CDH4: variants seen among roughly 807,000 people sequenced by gnomAD.
CDH4 encodes the protein cadherin-4.
A neutral mutation model predicts 86.0 loss-of-function variants in CDH4; 33 were observed. The ratio of observed to expected loss-of-function variants is 0.38; its 90% CI spans 0.29 to 0.51. The LOEUF (loss-of-function observed/expected upper bound fraction) is 0.51. Ranked by LOEUF, CDH4 falls within the 20% of genes least tolerant of loss-of-function variation. CDH4 has a pLI of 0.86. For missense variants in CDH4, 1,114 were observed against 1,307.4 expected (o/e 0.85, Z 2.28); for synonymous variants, 555 against 549.4 (o/e 1.01, Z -0.14).
intron 4 of CDH4, among the ~76,000 whole-genome samples, chr20:61,816,672 T>C (rs1460368297): frequency 1.4e-5 from 2 of 145,740 alleles, no homozygotes; most frequent in African/African-American, 2.5e-5. Context: ...GGCGCTTGGG[T>C]GAATCGCACG....
intron 2 of CDH4, among the ~76,000 whole-genome samples, chr20:61,581,783 C>A (rs143183026): frequency 1.3e-5 from 2 of 152,298 alleles, no homozygotes; most frequent in East Asian, 1.9e-4. Context: ...GACATGGACA[C>A]CTTTAGGGAC....
At chr20:61,870,545 T>C (rs1045547690) in intron 6 of CDH4, among the ~76,000 whole-genome samples, 1 of 152,150 alleles carries the variant, frequency 6.6e-6, no homozygotes, top group Non-Finnish European at 1.5e-5. Flanking sequence ...GCCATCATCC[T>C]GCCACCCCCA....
chr20:61,590,542 G>A (rs1458923082), intron 2 of CDH4, among the ~76,000 whole-genome samples: 1 of 152,222 alleles, frequency 6.6e-6, no homozygotes, highest in Non-Finnish European at 1.5e-5. Flanking sequence ...TCTGCGTGCT[G>A]CAGTCCGGAA....
At position 61,829,881 on chromosome 20, in the gene CDH4, G is replaced by A. The variant is rs933531051; in HGVS notation, c.577-14787G>A. ...CCCTCATCCCTCCCGCCCCTAGCCT[G>A]CTGGGGTGGGAGGGACGAGGCTCCT... On this transcript the variant is annotated intron_variant, in intron 4 of 15. Coordinates refer to ENST00000614565, the MANE Select transcript of CDH4 (RefSeq NM_001794.5). The surrounding 1 kb of genome is among the most constrained non-coding windows in gnomAD (Gnocchi z 4.2). Among the ~76,000 whole-genome samples the A allele has an allele frequency of 6.6e-6, 1 of 151,998 alleles. No homozygotes were observed. The highest frequency in any genetic ancestry group is 2.4e-5 in the African/African-American group (1 of 41,376).
At chr20:61,653,559 C>A (rs1410992278) in intron 2 of CDH4, among the ~76,000 whole-genome samples, 1 of 130,410 alleles carries the variant, frequency 7.7e-6, no homozygotes, top group Non-Finnish European at 1.7e-5. Flanking sequence ...GCTGGCCAGG[C>A]GGGGGCTGAC....
At chr20:61,383,138 A>ATATGAATATATT (rs1278692555) in intron 2 of CDH4, among the ~76,000 whole-genome samples, 1 of 101,964 alleles carries the variant, frequency 9.8e-6, no homozygotes, top group Non-Finnish European at 1.9e-5. Context: ...TATATTATAT[A>ATATGAATATATT]TATGAATATA....
intron 2 of CDH4, among the ~76,000 whole-genome samples, chr20:61,306,827 C>T (rs1197700542): frequency 2.6e-5 from 4 of 152,162 alleles, no homozygotes; most frequent in Admixed American, 2.0e-4. Context: ...TACAGCTCAG[C>T]GTTGCCTGAT....
intron 2 of CDH4, among the ~76,000 whole-genome samples, chr20:61,286,978 G>A (rs2084296524): frequency 6.6e-6 from 1 of 152,184 alleles, no homozygotes; most frequent in Non-Finnish European, 1.5e-5. Flanking sequence ...GCTTCCTGGA[G>A]CATTTAATTT....
At chr20:61,573,072 A>ATGGATG (rs1568692606) in intron 2 of CDH4, among the ~76,000 whole-genome samples, 33 of 116,808 alleles carry the variant, frequency 2.8e-4, no homozygotes, top group African/African-American at 1.1e-3. Context: ...ATGGATGGAT[A>ATGGATG]GATGGTTGGA....
intron 2 of CDH4, among the ~76,000 whole-genome samples, chr20:61,598,589 C>A (rs1324420708): frequency 6.6e-6 from 1 of 152,218 alleles, no homozygotes; most frequent in Non-Finnish European, 1.5e-5. Flanking sequence ...ATACCCCTTT[C>A]CAGAATCGCG....
chr20:61,425,623 G>A (rs1341883736), intron 2 of CDH4, among the ~76,000 whole-genome samples: 1 of 152,268 alleles, frequency 6.6e-6, no homozygotes, highest in Admixed American at 6.5e-5. Flanking sequence ...GGAAAACAGG[G>A]CGGCAGCGCA....
At chr20:61,645,063 A>C (rs768232503) in intron 2 of CDH4, among the ~76,000 whole-genome samples, 2 of 152,170 alleles carry the variant, frequency 1.3e-5, no homozygotes, top group Non-Finnish European at 2.9e-5. Context: ...GCCCCACTCT[A>C]TTGCCTCAGT....
At chr20:61,583,678 C>T (rs2086449004) in intron 2 of CDH4, among the ~76,000 whole-genome samples, 1 of 152,238 alleles carries the variant, frequency 6.6e-6, no homozygotes, top group Admixed American at 6.5e-5. Flanking sequence ...CATTGCCATC[C>T]TTCGTTCCCT....
At chr20:61,485,714 G>T (rs1370687336) in intron 2 of CDH4, among the ~76,000 whole-genome samples, 1 of 152,250 alleles carries the variant, frequency 6.6e-6, no homozygotes, top group East Asian at 1.9e-4. Flanking sequence ...GGGTGAATCA[G>T]CCCTGGCCAG....
At chr20:61,542,705 C>G (rs1377186879) in intron 2 of CDH4, among the ~76,000 whole-genome samples, 1 of 152,188 alleles carries the variant, frequency 6.6e-6, no homozygotes, top group Non-Finnish European at 1.5e-5. Context: ...AAAGGGTCTC[C>G]TTTTCCTCTT....
intron 2 of CDH4, among the ~76,000 whole-genome samples, chr20:61,692,171 ATG>A (rs964096485): frequency 1.6e-5 from 2 of 127,114 alleles, no homozygotes; most frequent in African/African-American, 5.1e-5. Flanking sequence ...GTCTGCATGT[ATG>A]TGTTTATATG....
chr20:61,748,653 C>T (rs1283062010), intron 3 of CDH4, among the ~76,000 whole-genome samples: 2 of 152,224 alleles, frequency 1.3e-5, no homozygotes, highest in African/African-American at 2.4e-5. Flanking sequence ...CTCGAATTTA[C>T]AGCAAAAACT....
chr20:61,363,239 T>C (rs1237095997), intron 2 of CDH4, among the ~76,000 whole-genome samples: 2 of 152,180 alleles, frequency 1.3e-5, no homozygotes, highest in African/African-American at 4.8e-5. Flanking sequence ...CTTTAACTTA[T>C]TCATTCATTT....
rs1220249069 is a variant in CDH4 at position 61,909,621 on chromosome 20, C to T, written c.1189-801C>T. Reference sequence around the variant, plus strand: ...TGTGGTGGCATCACTCTAGTCTCTGCCCCCATCTCCCACGGCCTCCCCTTC... The same window carrying T: ...TGTGGTGGCATCACTCTAGTCTCTGTCCCCATCTCCCACGGCCTCCCCTTC... On this transcript the variant is annotated intron_variant, in intron 8 of 15. Transcript: ENST00000614565. 3.3e-5 allele frequency among the ~76,000 whole-genome samples: 5 copies of T among 152,164 alleles called. No homozygotes were observed. The South Asian group carries it at 8.3e-4, about 25-fold the overall frequency.
Sources: gnomAD v4.1 joint callset for allele counts (sites outside exome capture counted in the v4.1 genomes callset) on GRCh38, gnomAD v4.1.1 for gene constraint, Gnocchi (gnomAD v3.1) non-coding constraint, MANE v1.5 for transcripts, NCBI Gene and HGNC (gene_info 2026-07-23, HGNC 2026-07-21) for gene names.